Variants in AGO2 observed in about 807,000 individuals in gnomAD.
AGO2 encodes the protein protein argonaute-2.
AGO2 carries 5 observed loss-of-function variants against 102.3 expected under a neutral mutation model. The ratio of observed to expected loss-of-function variants is 0.05; its 90% CI spans 0.03 to 0.10. AGO2 has a LOEUF of 0.10. Among genes scored for constraint, AGO2 ranks in the 10% least tolerant of loss-of-function variants. The pLI, the probability that AGO2 is intolerant of heterozygous loss-of-function variation, is 1.00. For missense variants in AGO2, 541 were observed against 1,183.7 expected, an observed-to-expected ratio of 0.46 and a Z score of 7.97; for synonymous variants, 449 against 473.1, an observed-to-expected ratio of 0.95 and a Z score of 0.66.
intron 2 of AGO2, among the ~76,000 whole-genome samples, chr8:140,581,244 C>T (rs182434313): frequency 7.5e-4 from 114 of 152,230 alleles, no homozygotes; most frequent in African/African-American, 2.6e-3. Flanking sequence ...CTCTACTAAA[C>T]AGGCTCACGC....
intron 1 of AGO2, among the ~76,000 whole-genome samples, chr8:140,634,221 A>C (rs2074373711): frequency 6.6e-6 from 1 of 152,278 alleles, no homozygotes; most frequent in South Asian, 2.1e-4. Flanking sequence ...ATGACATCAG[A>C]AAAAAGACGC....
At chr8:140,558,045 T>C (rs1438560798) in intron 7 of AGO2, among the ~76,000 whole-genome samples, 1 of 152,094 alleles carries the variant, frequency 6.6e-6, no homozygotes, top group African/African-American at 2.4e-5. Flanking sequence ...GAAACACCAG[T>C]ACAACCCAGG....
rs1207679970 is a variant in AGO2 at position 140,567,199 on chromosome 8, C to A, written c.337-4565G>T. Among the ~76,000 whole-genome samples the A allele has an allele frequency of 6.6e-6, 1 of 152,266 alleles. No individual in the cohort carries two copies. Among genetic ancestry groups the A allele is most frequent in the Non-Finnish European group, 1.5e-5 (1 of 68,048 alleles). The stretch of plus-strand genomic sequence containing the variant: ...CGCTTGGCCTGCAGAGAAAGGACAG[C>A]AGAGTCACCCCGGGCTCTGTAACTA... On this transcript the variant is annotated intron_variant, in intron 3 of 18. Transcript: ENST00000220592. The surrounding 1 kb of genome is among the most constrained non-coding windows in gnomAD (Gnocchi z 5.0).
chr8:140,587,896 C>A (rs769298572), intron 1 of AGO2, among the ~76,000 whole-genome samples: 2 of 152,214 alleles, frequency 1.3e-5, no homozygotes, highest in Non-Finnish European at 2.9e-5. Context: ...CACTGGCATT[C>A]ACGGAGCAGG....
chr8:140,552,476 CCGT>C (rs2073014883), intron 10 of AGO2, among the ~76,000 whole-genome samples: 1 of 152,176 alleles, frequency 6.6e-6, no homozygotes, highest in African/African-American at 2.4e-5. Context: ...GCCTGGGCTG[CCGT>C]CATTTACTCT....
intron 1 of AGO2, among the ~76,000 whole-genome samples, chr8:140,625,938 C>T (rs1352026645): frequency 5.3e-5 from 8 of 152,236 alleles, no homozygotes; most frequent in African/African-American, 1.7e-4. Flanking sequence ...CAGTGAGGCA[C>T]GCGCTTTAGC....
intron 2 of AGO2, among the ~76,000 whole-genome samples, chr8:140,578,923 C>T (rs1157819324): frequency 1.3e-5 from 2 of 152,220 alleles, no homozygotes; most frequent in African/African-American, 4.8e-5. Context: ...CTGAGAGGTT[C>T]CCTCTTTTAC....
At position 140,562,700 on chromosome 8, in the gene AGO2, C is replaced by T. The variant is rs1301908139; in HGVS notation, c.337-66G>A. On this transcript the variant is annotated intron_variant, in intron 3 of 18. Transcript: ENST00000220592. ...AAGCCCCAGGGAGGACGCAGCCTGG[C>T]AGTGGTTGGCTTCCAGACACTCCTG... 1.3e-5 allele frequency: 20 copies of T among 1,550,912 alleles called. No individual in the cohort carries two copies. The African/African-American group carries it at 1.6e-4, about 13-fold the overall frequency.
In AGO2 at chr8:140,547,592, T is replaced by C. The variant is rs2072922780; in HGVS notation, c.1624A>G (p.Met542Val). 6.2e-7 allele frequency: 1 copy of C among 1,614,024 alleles called. No individual in the cohort carries two copies. Among genetic ancestry groups the C allele is most frequent in the Non-Finnish European group, 8.5e-7 (1 of 1,179,946 alleles). The change falls in exon 13 of 19, where the codon ATG becomes GTG. Residue 542 changes from methionine to valine, a missense_variant. Around this residue, in one of 6 missense-constraint regions of AGO2, gnomAD observed 309 missense variants for 735.1 expected, o/e 0.42. Coordinates refer to ENST00000220592, the MANE Select transcript of AGO2 (RefSeq NM_012154.5). ...VKRVGDTVLG[M>V]ATQCVQMKNV... ...TTCATCTGCACGCACTGCGTGGCCA[T>C]CCCCAGCACCGTGTCTCCCACGCGC...
In AGO2 at chr8:140,589,110, G is replaced by A. The variant is rs955430603; in HGVS notation, c.23-3799C>T. On this transcript the variant is annotated intron_variant, in intron 1 of 18. Transcript: ENST00000220592. The surrounding 1 kb of genome is among the most constrained non-coding windows in gnomAD (Gnocchi z 4.2). The stretch of plus-strand genomic sequence containing the variant: ...GCGGTCCCCTGAAGAAACTCCTTTC[G>A]GAGTTGGCTCCTCCCCGACTTTTCA... 8.5e-5 allele frequency among the ~76,000 whole-genome samples: 13 copies of A among 152,204 alleles called. No individual in the cohort carries two copies. The highest frequency in any genetic ancestry group is 9.6e-5 in the African/African-American group (4 of 41,454).
At chr8:140,559,156 G>A (rs2073153889) in intron 6 of AGO2, among the ~76,000 whole-genome samples, 1 of 152,182 alleles carries the variant, frequency 6.6e-6, no homozygotes, top group South Asian at 2.1e-4. Context: ...TGACTCAGAC[G>A]TGACTGACTC....
chr8:140,565,654 A>AT (rs71320380), intron 3 of AGO2, among the ~76,000 whole-genome samples: 1 of 105,354 alleles, frequency 9.5e-6, no homozygotes, highest in Non-Finnish European at 2.1e-5. Flanking sequence ...AAAAAAAAAA[A>AT]GAAGAAGAAG....
intron 2 of AGO2, among the ~76,000 whole-genome samples, chr8:140,579,487 G>A (rs931727655): frequency 3.3e-5 from 5 of 152,010 alleles, no homozygotes; most frequent in African/African-American, 9.7e-5. Context: ...CTACAGACAC[G>A]GTAATCATGT....
chr8:140,581,612 C>A (rs913074060), intron 2 of AGO2, among the ~76,000 whole-genome samples: 1 of 152,122 alleles, frequency 6.6e-6, no homozygotes, highest in African/African-American at 2.4e-5. Flanking sequence ...GGTTCTATCC[C>A]AGGGAAACGC....
chr8:140,544,069 C>T (rs2072847909), intron 14 of AGO2, 144 bp downstream of exon 14: 1 of 879,616 alleles, frequency 1.1e-6, no homozygotes, highest in African/African-American at 1.8e-5. Context: ...ACCTCTCTCC[C>T]ACAAGACCCC....
chr8:140,594,130 G>T (rs1440001966), intron 1 of AGO2, among the ~76,000 whole-genome samples: 1 of 152,168 alleles, frequency 6.6e-6, no homozygotes, highest in Non-Finnish European at 1.5e-5. Context: ...GTCTTCAGAA[G>T]AGGGCAGGGA....
chr8:140,612,958 G>T (rs1489780248), intron 1 of AGO2, among the ~76,000 whole-genome samples: 1 of 151,930 alleles, frequency 6.6e-6, no homozygotes, highest in Non-Finnish European at 1.5e-5. Context: ...CCAGCACTTT[G>T]GGAGGCCGAG....
intron 1 of AGO2, among the ~76,000 whole-genome samples, chr8:140,600,499 G>A (rs2073916467): frequency 6.6e-6 from 1 of 152,196 alleles, no homozygotes; most frequent in South Asian, 2.1e-4. Flanking sequence ...TGACCAACAT[G>A]GAGAAACACC....
chr8:140,577,003 C>T (rs534507561), intron 2 of AGO2, among the ~76,000 whole-genome samples: 3 of 152,080 alleles, frequency 2.0e-5, no homozygotes, highest in Middle Eastern at 6.8e-3. Flanking sequence ...ATCAGGAGAT[C>T]GAGACCACCC....
Sources: allele counts gnomAD v4.1 joint callset (sites outside exome capture counted in the v4.1 genomes callset), GRCh38; gene constraint gnomAD v4.1.1; regional missense constraint gnomAD v4.1.1; non-coding constraint Gnocchi (gnomAD v3.1); transcripts MANE v1.5; gene names NCBI Gene and HGNC (gene_info 2026-07-23, HGNC 2026-07-21).